SMIM10L3: variants seen among roughly 807,000 people sequenced by gnomAD.
The protein encoded by SMIM10L3 is salivary gland specific protein SAGSIN1.
At chr7:6,330,854 T>A in the SMIM10L3 span, 2 of 1,614,170 alleles carry the variant, frequency 1.2e-6, no homozygotes, top group South Asian at 2.2e-5. Context: ...ACGGCTGTGC[T>A]CGGAGTGGCT....
At chr7:6,331,883 G>A in the SMIM10L3 span, among the ~76,000 whole-genome samples, 1 of 151,834 alleles carries the variant, frequency 6.6e-6, no homozygotes, top group Non-Finnish European at 1.5e-5. Context: ...TGGGATTACA[G>A]GTGCCTGCCA....
At chr7:6,344,303 G>C in the SMIM10L3 span, among the ~76,000 whole-genome samples, 1 of 152,228 alleles carries the variant, frequency 6.6e-6, no homozygotes, top group African/African-American at 2.4e-5. Flanking sequence ...AAACCTGCAG[G>C]GGAGTTTAAA....
chr7:6,330,352 A>G, the SMIM10L3 span: 52 of 1,580,066 alleles, frequency 3.3e-5, no homozygotes, highest in Non-Finnish European at 3.8e-5. Flanking sequence ...AAATTAATCT[A>G]TTGGTATTGT....
At chr7:6,331,864 T>C in the SMIM10L3 span, among the ~76,000 whole-genome samples, 2 of 150,984 alleles carry the variant, frequency 1.3e-5, no homozygotes. Flanking sequence ...CCTTAGCCTT[T>C]TGAGTAGCTG....
the SMIM10L3 span, chr7:6,330,536 CCTCA>C: frequency 6.8e-5 from 110 of 1,614,036 alleles, no homozygotes; most frequent in Non-Finnish European, 8.4e-5. Context: ...CGTTTTGTCT[CCTCA>C]CTCAGGAGCA....
At chr7:6,346,451 C>T in the SMIM10L3 span, among the ~76,000 whole-genome samples, 1 of 152,174 alleles carries the variant, frequency 6.6e-6, no homozygotes, top group Non-Finnish European at 1.5e-5. Flanking sequence ...ACTGCAACGT[C>T]TGCCTCCCAG....
chr7:6,345,140 C>G, the SMIM10L3 span, among the ~76,000 whole-genome samples: 1 of 151,978 alleles, frequency 6.6e-6, no homozygotes, highest in Admixed American at 6.6e-5. Flanking sequence ...ATTTTAGAGA[C>G]AGAGTCTCAC....
chr7:6,340,501 C>G, the SMIM10L3 span, among the ~76,000 whole-genome samples: 1 of 152,072 alleles, frequency 6.6e-6, no homozygotes. Flanking sequence ...CGTGCTGCAC[C>G]TGGAGTTGGC....
the SMIM10L3 span, among the ~76,000 whole-genome samples, chr7:6,338,975 G>A: frequency 2.6e-5 from 4 of 152,260 alleles, no homozygotes; most frequent in East Asian, 1.9e-4. Context: ...AGGTGTGAAC[G>A]CTAGCACACC....
At chr7:6,342,640 A>G in the SMIM10L3 span, among the ~76,000 whole-genome samples, 2 of 152,206 alleles carry the variant, frequency 1.3e-5, no homozygotes, top group African/African-American at 4.8e-5. Context: ...CGATGTCCAC[A>G]CAAAGCTTAC....
the SMIM10L3 span, among the ~76,000 whole-genome samples, chr7:6,342,881 G>GA: frequency 8.0e-3 from 1,214 of 151,558 alleles, 12 homozygotes; most frequent in East Asian, 0.053. Flanking sequence ...GAAACAAAAT[G>GA]AAAAAATCAA....
At chr7:6,338,006 G>A in the SMIM10L3 span, among the ~76,000 whole-genome samples, 3 of 151,790 alleles carry the variant, frequency 2.0e-5, no homozygotes, top group Non-Finnish European at 4.4e-5. Context: ...GTTTCACCAT[G>A]TTGGCCAGGC....
At chr7:6,333,748 G>A in the SMIM10L3 span, among the ~76,000 whole-genome samples, 28 of 147,968 alleles carry the variant, frequency 1.9e-4, no homozygotes, top group South Asian at 5.8e-3. Flanking sequence ...AGAGATCCAA[G>A]TAGGTGACTT....
At chr7:6,330,874 G>C in the SMIM10L3 span, 1 of 1,614,186 alleles carries the variant, frequency 6.2e-7, no homozygotes, top group Non-Finnish European at 8.5e-7. Context: ...TGCTGAGGCT[G>C]GATTTCTTCT....
At chr7:6,347,517 G>GAA in the SMIM10L3 span, among the ~76,000 whole-genome samples, 1 of 145,574 alleles carries the variant, frequency 6.9e-6, no homozygotes, top group Admixed American at 6.9e-5. Context: ...CTGTCTCAGG[G>GAA]AAAAAAAAAA....
chr7:6,338,029 C>G, the SMIM10L3 span, among the ~76,000 whole-genome samples: 81 of 152,180 alleles, frequency 5.3e-4, no homozygotes, highest in African/African-American at 1.8e-3. Flanking sequence ...CTCTCGAACT[C>G]CTGACCTCAG....
the SMIM10L3 span, chr7:6,348,912 C>G: frequency 2.4e-4 from 92 of 385,390 alleles, 1 homozygote; most frequent in African/African-American, 1.8e-3. Flanking sequence ...CCGCACGTCA[C>G]GCTCGGAGAA....
chr7:6,336,869 G>C, the SMIM10L3 span, among the ~76,000 whole-genome samples: 1 of 151,930 alleles, frequency 6.6e-6, no homozygotes, highest in Admixed American at 6.6e-5. Flanking sequence ...TCCTAGGCTG[G>C]TCTTGAACTC....
the SMIM10L3 span, among the ~76,000 whole-genome samples, chr7:6,343,872 T>G: frequency 6.6e-6 from 1 of 152,070 alleles, no homozygotes; most frequent in Non-Finnish European, 1.5e-5. Flanking sequence ...GATTCTAACA[T>G]TCCTGCAATG....
Sources: allele counts gnomAD v4.1 joint callset (sites outside exome capture counted in the v4.1 genomes callset), GRCh38; gene constraint gnomAD v4.1.1; transcripts MANE v1.5; gene names NCBI Gene and HGNC (gene_info 2026-07-23, HGNC 2026-07-21).